The following TBC1D19 variants were observed in gnomAD, a reference collection of about 807,000 sequenced individuals.
TBC1D19 encodes the protein TBC1 domain family member 19.
Under a neutral mutation model 89.0 loss-of-function variants are expected in TBC1D19, and 60 were observed. That is an observed-to-expected ratio of 0.67 (90% CI 0.55 to 0.84). The LOEUF is 0.84. Ranked by LOEUF, TBC1D19 falls within the 40% of genes least tolerant of loss-of-function variation. The pLI, the probability that TBC1D19 is intolerant of heterozygous loss-of-function variation, is 0.00. For missense variants in TBC1D19, 500 were observed against 610.8 expected (o/e 0.82, Z 1.91); for synonymous variants, 189 against 199.7 (o/e 0.95, Z 0.45).
the TBC1D19 span, among the ~76,000 whole-genome samples, chr4:26,801,091 GTCCTGAAT>G: frequency 3.9e-5 from 6 of 152,314 alleles, no homozygotes; most frequent in East Asian, 9.6e-4. Flanking sequence ...CCATGCCTAT[GTCCTGAAT>G]GGCATTGCCT....
intron 9 of TBC1D19, among the ~76,000 whole-genome samples, chr4:26,669,401 C>G (rs1251075744): frequency 6.6e-6 from 1 of 151,710 alleles, no homozygotes; most frequent in Non-Finnish European, 1.5e-5. Context: ...TTTGCATCTT[C>G]CAAGATCATT....
intron 1 of TBC1D19, among the ~76,000 whole-genome samples, chr4:26,587,100 T>G (rs915356179): frequency 1.3e-5 from 2 of 152,206 alleles, no homozygotes; most frequent in African/African-American, 4.8e-5. Context: ...TCTGTAGATA[T>G]GTTCATATTA....
intron 19 of TBC1D19, 126 bp from the exon 20 acceptor site, chr4:26,753,694 G>T: frequency 2.3e-6 from 2 of 863,414 alleles, no homozygotes; most frequent in Non-Finnish European, 3.7e-6. Flanking sequence ...GAATGCGGGG[G>T]TGTGGTCCGT....
chr4:26,748,441 A>G lies in TBC1D19; in HGVS notation c.1350A>G (p.Arg450=). Residue 450 remains arginine (R), a synonymous_variant, in exon 19 of 21, where the codon CGA becomes CGG. Transcript: ENST00000264866. ...PLRISFKWMV[R]AFSGYLATDQ... is the part of the protein sequence containing the mutation. ...GCATATCATTTAAGTGGATGGTTCG[A>G]GCTTTCTCTGGATACTTAGCTACAG... is the stretch of plus-strand genomic sequence containing the variant. The G allele has an allele frequency of 6.2e-7, 1 of 1,613,806 alleles. No homozygotes were observed. The highest frequency in any genetic ancestry group is 1.7e-5 in the Admixed American group (1 of 60,002).
chr4:26,600,322 C>T (rs1015382607), intron 1 of TBC1D19, among the ~76,000 whole-genome samples: 4 of 152,096 alleles, frequency 2.6e-5, no homozygotes, highest in African/African-American at 9.7e-5. Context: ...GTCCTTTAAT[C>T]CTGAAAAGTT....
intron 8 of TBC1D19, among the ~76,000 whole-genome samples, chr4:26,664,341 A>G (rs1711593166): frequency 6.6e-6 from 1 of 152,166 alleles, no homozygotes; most frequent in Non-Finnish European, 1.5e-5. Context: ...AATAGTCCAG[A>G]GCAATGAAGT....
At chr4:26,633,379 T>C (rs997385225) in intron 4 of TBC1D19, among the ~76,000 whole-genome samples, 5 of 151,784 alleles carry the variant, frequency 3.3e-5, no homozygotes, top group African/African-American at 1.2e-4. Flanking sequence ...CGTGGTGTTC[T>C]GCGAGGTGAA....
chr4:26,646,140 A>G (rs1483083511), intron 7 of TBC1D19, among the ~76,000 whole-genome samples: 1 of 151,306 alleles, frequency 6.6e-6, no homozygotes, highest in African/African-American at 2.4e-5. Flanking sequence ...AAAAAAAAAA[A>G]AAAAGTGGGC....
intron 7 of TBC1D19, among the ~76,000 whole-genome samples, chr4:26,645,800 C>A (rs1223556528): frequency 2.0e-5 from 3 of 151,828 alleles, no homozygotes; most frequent in African/African-American, 4.8e-5. Context: ...AACTTAAACA[C>A]ATTTACAAGA....
intron 6 of TBC1D19, among the ~76,000 whole-genome samples, chr4:26,639,647 T>C (rs1490487352): frequency 1.3e-5 from 2 of 152,200 alleles, no homozygotes; most frequent in Non-Finnish European, 2.9e-5. Flanking sequence ...TATAATTGTA[T>C]AGACAGACAT....
At chr4:26,640,306 C>A (rs1743414325) in intron 7 of TBC1D19, 119 bp downstream of exon 7, 2 of 749,650 alleles carry the variant, frequency 2.7e-6, no homozygotes, top group Non-Finnish European at 4.5e-6. Flanking sequence ...GTCACTGAAG[C>A]AGTAGAATGA....
intron 8 of TBC1D19, among the ~76,000 whole-genome samples, chr4:26,664,767 G>C (rs1711649193): frequency 6.6e-6 from 1 of 151,880 alleles, no homozygotes; most frequent in African/African-American, 2.4e-5. Context: ...CCCTCCCCCT[G>C]TGCTCTCAGG....
intron 7 of TBC1D19, among the ~76,000 whole-genome samples, chr4:26,655,724 C>T (rs774495437): frequency 1.7e-4 from 26 of 152,196 alleles, no homozygotes; most frequent in Admixed American, 3.9e-4. Flanking sequence ...ATTGGAAAAA[C>T]GCAGTATTAG....
At chr4:26,581,493 G>A (rs1038993997), upstream of TBC1D19, among the ~76,000 whole-genome samples, 4 of 152,166 alleles carry the variant, frequency 2.6e-5, no homozygotes, top group South Asian at 8.3e-4. Flanking sequence ...TTCTGTTCCT[G>A]TGTTAGTTTG....
At position 26,739,849 on chromosome 4, in the gene TBC1D19, A is replaced by T; in HGVS notation, c.1118-15A>T. On this transcript the variant is annotated splice_polypyrimidine_tract_variant and intron_variant, in intron 16 of 20. Transcript: ENST00000264866. ...AGTAGTTCTGCAGTATTATAAATTAATTTTTTTCTTTCAGTTGCACCACTT... is the reference window on the plus strand; with the variant it reads ...AGTAGTTCTGCAGTATTATAAATTATTTTTTTTCTTTCAGTTGCACCACTT... 1.4e-6 allele frequency: 2 copies of T among 1,468,280 alleles called. No individual in the cohort carries two copies. Among genetic ancestry groups the T allele is most frequent in the Non-Finnish European group, 1.8e-6 (2 of 1,082,720 alleles). The allele number at this position is 1,468,280 out of a possible 1,614,324, so 91.0% of individuals were successfully genotyped here. A position where few individuals can be genotyped will look rare whatever the true frequency, so the allele number is the denominator to read the frequency against.
At chr4:26,716,345 G>T (rs140191074) in intron 13 of TBC1D19, among the ~76,000 whole-genome samples, 1 of 152,192 alleles carries the variant, frequency 6.6e-6, no homozygotes, top group African/African-American at 2.4e-5. Flanking sequence ...TTGAATACGT[G>T]TAGGTAAATC....
At chr4:26,680,309 C>G (rs941514260) in intron 11 of TBC1D19, among the ~76,000 whole-genome samples, 6 of 152,160 alleles carry the variant, frequency 3.9e-5, no homozygotes, top group African/African-American at 1.2e-4. Context: ...ATTTTAAACA[C>G]CTTAACATAC....
At chr4:26,774,997 G>T in the TBC1D19 span, among the ~76,000 whole-genome samples, 1 of 152,128 alleles carries the variant, frequency 6.6e-6, no homozygotes, top group East Asian at 1.9e-4. Context: ...AGGAACTAAG[G>T]TTGAATTTTG....
intron 13 of TBC1D19, among the ~76,000 whole-genome samples, chr4:26,710,818 A>G (rs1321136423): frequency 6.6e-6 from 1 of 152,136 alleles, no homozygotes; most frequent in East Asian, 1.9e-4. Flanking sequence ...TTGGCTGCCT[A>G]AATGTCTTCT....
Sources: gnomAD v4.1 joint callset for allele counts (sites outside exome capture counted in the v4.1 genomes callset) on GRCh38, gnomAD v4.1.1 for gene constraint, MANE v1.5 for transcripts, NCBI Gene and HGNC (gene_info 2026-07-23, HGNC 2026-07-21) for gene names.